FSTL4: variants seen among roughly 807,000 people sequenced by gnomAD.
FSTL4 encodes the protein follistatin like 4.
Under a neutral mutation model 78.2 loss-of-function variants are expected in FSTL4, and 28 were observed. The observed-to-expected ratio is 0.36, with a 90% CI of 0.27 to 0.49. FSTL4 has a LOEUF of 0.49. FSTL4 is among the 20% of genes least tolerant of loss of function. The pLI is 0.98. For missense variants in FSTL4, 922 were observed against 1,084.9 expected (o/e 0.85, Z 2.11); for synonymous variants, 422 against 440.5 (o/e 0.96, Z 0.53).
intron 14 of FSTL4, among the ~76,000 whole-genome samples, chr5:133,206,231 C>T (rs1184479714): frequency 6.6e-6 from 1 of 152,086 alleles, no homozygotes; most frequent in Non-Finnish European, 1.5e-5. Context: ...TTAAAAAATC[C>T]ATGGTAATTG....
intron 4 of FSTL4, among the ~76,000 whole-genome samples, chr5:133,330,740 T>C (rs1473198248): frequency 1.3e-5 from 2 of 152,222 alleles, no homozygotes; most frequent in African/African-American, 4.8e-5. Flanking sequence ...AGGGGGGCTT[T>C]ACAAAAGATT....
At position 133,581,005 on chromosome 5, in the gene FSTL4, T is replaced by G. The variant is rs373224640; in HGVS notation, c.127-13786A>C. 3.5e-4 allele frequency among the ~76,000 whole-genome samples: 54 copies of G among 152,300 alleles called. No homozygotes were observed. In the East Asian group the frequency reaches 9.4e-3, roughly 27 times the overall value. On this transcript the variant is annotated intron_variant, in intron 2 of 15. Transcript: ENST00000265342. ...CACTCAGGGTCTGGTGATTTTGGAT[T>G]GCTGTCTGAATAAATCATTGGTTTG... is the stretch of plus-strand genomic sequence containing the variant.
chr5:133,634,756 A>C, the FSTL4 span, among the ~76,000 whole-genome samples: 2 of 152,200 alleles, frequency 1.3e-5, no homozygotes, highest in Non-Finnish European at 2.9e-5. Context: ...TATGTCAGAC[A>C]TGTTACTAAT....
chr5:133,661,559 C>T, the FSTL4 span, among the ~76,000 whole-genome samples: 9,756 of 152,254 alleles, frequency 0.064, 426 homozygotes, highest in South Asian at 0.11. Context: ...ATATTACAGC[C>T]TAACCTCATA....
chr5:133,488,072 T>G (rs902876403), intron 3 of FSTL4, among the ~76,000 whole-genome samples: 1 of 152,186 alleles, frequency 6.6e-6, no homozygotes, highest in Non-Finnish European at 1.5e-5. Flanking sequence ...GAAATAGAAT[T>G]CAGACCTCTT....
At chr5:133,525,337 AC>A (rs1173658250) in intron 3 of FSTL4, among the ~76,000 whole-genome samples, 3 of 152,104 alleles carry the variant, frequency 2.0e-5, no homozygotes, top group Non-Finnish European at 4.4e-5. Context: ...CCTGACTTCT[AC>A]CTCACAAGGA....
chr5:133,342,573 G>T (rs1030234014), intron 4 of FSTL4, among the ~76,000 whole-genome samples: 1 of 152,152 alleles, frequency 6.6e-6, no homozygotes, highest in African/African-American at 2.4e-5. Flanking sequence ...TCTGGCCAGG[G>T]CTGTGTGTCC....
the FSTL4 span, among the ~76,000 whole-genome samples, chr5:133,824,286 TCC>T: frequency 6.6e-6 from 1 of 152,214 alleles, no homozygotes; most frequent in Non-Finnish European, 1.5e-5. Flanking sequence ...AAATGAGGGT[TCC>T]CACAGCCCCC....
At chr5:133,419,881 A>G (rs1756657412) in intron 3 of FSTL4, among the ~76,000 whole-genome samples, 2 of 152,196 alleles carry the variant, frequency 1.3e-5, no homozygotes, top group South Asian at 2.1e-4. Flanking sequence ...ACATCTTTTT[A>G]TGTGCTTATT....
intron 4 of FSTL4, among the ~76,000 whole-genome samples, chr5:133,385,063 C>G (rs541202708): frequency 6.6e-6 from 1 of 152,276 alleles, no homozygotes; most frequent in East Asian, 1.9e-4. Context: ...TGTCGCGCTC[C>G]CCACCCTGGT....
chr5:133,496,580 C>T (rs1758370855), intron 3 of FSTL4, among the ~76,000 whole-genome samples: 1 of 152,164 alleles, frequency 6.6e-6, no homozygotes, highest in Non-Finnish European at 1.5e-5. Context: ...AGAGGAGGCT[C>T]CTGCATTCCC....
At chr5:133,829,643 G>C in the FSTL4 span, among the ~76,000 whole-genome samples, 2 of 152,204 alleles carry the variant, frequency 1.3e-5, no homozygotes, top group African/African-American at 4.8e-5. Context: ...TGCTGCCCCT[G>C]CTGCTCTGAG....
At chr5:133,227,687 T>C (rs1751376313) in intron 8 of FSTL4, among the ~76,000 whole-genome samples, 1 of 151,458 alleles carries the variant, frequency 6.6e-6, no homozygotes. Context: ...CAGAATAAAC[T>C]TAAAGAAAGA....
At chr5:133,257,993 G>C (rs1381540108) in intron 6 of FSTL4, among the ~76,000 whole-genome samples, 1 of 152,196 alleles carries the variant, frequency 6.6e-6, no homozygotes, top group African/African-American at 2.4e-5. Context: ...GATCTCTAAG[G>C]TTGGATCCAG....
intron 1 of FSTL4, 143 bp from the exon 2 acceptor site, chr5:133,604,136 T>C (rs1331604983): frequency 1.6e-6 from 1 of 613,326 alleles, no homozygotes; most frequent in Non-Finnish European, 2.9e-6. Context: ...CTTGGAGAGG[T>C]TATATTACTT....
At position 133,338,320 on chromosome 5, in the gene FSTL4, G is replaced by C. The variant is rs187234406; in HGVS notation, c.410-21668C>G. 2.6e-5 allele frequency among the ~76,000 whole-genome samples: 4 copies of C among 152,052 alleles called. No individual in the cohort carries two copies. In the South Asian group the frequency reaches 6.2e-4, roughly 24 times the overall value. ...GTGCACACTCTGGACTGGCTCCTGC[G>C]GGAGAACACAAGAGTGGCCATGGAA... On this transcript the variant is annotated intron_variant, in intron 4 of 15. Transcript: ENST00000265342. This position sits in a 1 kb window ranked among gnomAD's most constrained non-coding sequence, Gnocchi z 4.0.
intron 3 of FSTL4, among the ~76,000 whole-genome samples, chr5:133,542,320 T>C (rs911034154): frequency 2.6e-5 from 4 of 152,200 alleles, no homozygotes; most frequent in African/African-American, 7.2e-5. Flanking sequence ...CAAATATAGT[T>C]TGAGATAAAT....
chr5:133,565,584 G>A (rs913966897), intron 3 of FSTL4, among the ~76,000 whole-genome samples: 2 of 152,220 alleles, frequency 1.3e-5, no homozygotes, highest in African/African-American at 2.4e-5. Context: ...AACCATTTGC[G>A]AAGGCTGACA....
chr5:133,777,622 A>G, the FSTL4 span, among the ~76,000 whole-genome samples: 110 of 152,316 alleles, frequency 7.2e-4, no homozygotes, highest in African/African-American at 2.4e-3. Flanking sequence ...AAACAAAGTT[A>G]ATATTTATGG....
Sources: gnomAD v4.1 joint callset for allele counts (sites outside exome capture counted in the v4.1 genomes callset) on GRCh38, gnomAD v4.1.1 for gene constraint, Gnocchi (gnomAD v3.1) non-coding constraint, MANE v1.5 for transcripts, NCBI Gene and HGNC (gene_info 2026-07-23, HGNC 2026-07-21) for gene names.